Variants in AOPEP observed in about 807,000 individuals in gnomAD.
The protein encoded by AOPEP is aminopeptidase O.
Under a neutral mutation model 98.1 loss-of-function variants are expected in AOPEP, and 77 were observed. The ratio of observed to expected loss-of-function variants is 0.78; its 90% CI spans 0.65 to 0.95. The LOEUF (loss-of-function observed/expected upper bound fraction) is 0.95, where lower values mean the gene tolerates loss of function less well. Ranked by LOEUF, AOPEP falls within the 40% of genes least tolerant of loss-of-function variation. The pLI is 0.00. For missense variants in AOPEP, 1,024 were observed against 1,024.7 expected (o/e 1.00, Z 0.01); for synonymous variants, 346 against 365.3 (o/e 0.95, Z 0.60).
At chr9:94,826,292 C>T (rs764900875) in intron 5 of AOPEP, among the ~76,000 whole-genome samples, 4 of 152,194 alleles carry the variant, frequency 2.6e-5, no homozygotes, top group Non-Finnish European at 4.4e-5. Context: ...ATGGAAGAAA[C>T]ATGACCAACC....
At chr9:94,988,452 A>G (rs530088472) in intron 11 of AOPEP, among the ~76,000 whole-genome samples, 38 of 152,356 alleles carry the variant, frequency 2.5e-4, no homozygotes, top group Admixed American at 7.8e-4. Context: ...TCCTGTAAAA[A>G]GAATAAGAAT....
At chr9:94,878,578 G>A (rs1191421520) in intron 5 of AOPEP, among the ~76,000 whole-genome samples, 1 of 152,044 alleles carries the variant, frequency 6.6e-6, no homozygotes, top group Non-Finnish European at 1.5e-5. Context: ...GCGTTATTTA[G>A]TCATATCAGA....
intron 11 of AOPEP, among the ~76,000 whole-genome samples, chr9:94,987,858 A>C (rs749018776): frequency 2.0e-5 from 3 of 152,124 alleles, no homozygotes; most frequent in Non-Finnish European, 4.4e-5. Context: ...AGGGACTTGA[A>C]TGTGATGCTA....
chr9:95,053,149 T>A (rs1317251541), intron 13 of AOPEP, among the ~76,000 whole-genome samples: 1 of 152,174 alleles, frequency 6.6e-6, no homozygotes, highest in East Asian at 1.9e-4. Context: ...ATAAAGTAGA[T>A]CTCTCTTTTA....
intron 3 of AOPEP, among the ~76,000 whole-genome samples, chr9:94,781,759 A>G (rs1285890937): frequency 2.0e-5 from 3 of 150,952 alleles, no homozygotes; most frequent in Non-Finnish European, 4.4e-5. Context: ...ACGGGGTTTC[A>G]CCGTGTTAGC....
chr9:94,984,177 C>T (rs998021870), intron 11 of AOPEP, among the ~76,000 whole-genome samples: 7 of 151,514 alleles, frequency 4.6e-5, no homozygotes, highest in Non-Finnish European at 1.0e-4. Context: ...GGGATACAGG[C>T]GCCCGCCACC....
chr9:94,879,554 A>T (rs2047337913), intron 5 of AOPEP, among the ~76,000 whole-genome samples: 1 of 152,234 alleles, frequency 6.6e-6, no homozygotes, highest in Non-Finnish European at 1.5e-5. Context: ...TTCTCCAGGA[A>T]TACCCCATAA....
chr9:94,923,948 A>G, intron 5 of AOPEP, 38 bp from the exon 6 acceptor site: 1 of 1,342,002 alleles, frequency 7.5e-7, no homozygotes, highest in Non-Finnish European at 9.7e-7. Flanking sequence ...GACAGGCTCT[A>G]ACAAGACTCT....
chr9:94,742,491 T>C (rs1833368488), intron 1 of AOPEP, among the ~76,000 whole-genome samples: 2 of 151,998 alleles, frequency 1.3e-5, no homozygotes, highest in Admixed American at 6.6e-5. Flanking sequence ...ATGAGTGCAG[T>C]GGCGCGATCC....
chr9:94,884,037 C>T (rs2047898542), intron 5 of AOPEP, among the ~76,000 whole-genome samples: 1 of 152,204 alleles, frequency 6.6e-6, no homozygotes, highest in Non-Finnish European at 1.5e-5. Flanking sequence ...TGACATTTCA[C>T]GAGGGGCATC....
chr9:94,896,378 G>A (rs1257942755), intron 5 of AOPEP, among the ~76,000 whole-genome samples: 1 of 152,164 alleles, frequency 6.6e-6, no homozygotes, highest in Non-Finnish European at 1.5e-5. Flanking sequence ...CCCCTTCCGA[G>A]GAGATGGGAC....
the AOPEP span, among the ~76,000 whole-genome samples, chr9:95,147,146 G>A: frequency 6.6e-6 from 1 of 151,502 alleles, no homozygotes; most frequent in Non-Finnish European, 1.5e-5. Context: ...GTATTTTCTT[G>A]CATTTAAGAA....
chr9:95,006,256 G>A (rs1480000067), intron 13 of AOPEP: 1 of 343,086 alleles, frequency 2.9e-6, no homozygotes, highest in Non-Finnish European at 6.0e-6. Context: ...CGGAAAACTC[G>A]TAAAAGTGAA....
chr9:94,894,066 C>A (rs1464644763), intron 5 of AOPEP, among the ~76,000 whole-genome samples: 1 of 152,102 alleles, frequency 6.6e-6, no homozygotes, highest in Non-Finnish European at 1.5e-5. Context: ...CCCCAAAATG[C>A]AGAATATCTA....
At chr9:94,990,614 AATT>A (rs2060833967) in intron 11 of AOPEP, among the ~76,000 whole-genome samples, 2 of 59,860 alleles carry the variant, frequency 3.3e-5, no homozygotes, top group Non-Finnish European at 4.6e-5. Flanking sequence ...TATTTAATTT[AATT>A]AATTAATTAA....
At chr9:94,874,081 A>G (rs1280958264) in intron 5 of AOPEP, among the ~76,000 whole-genome samples, 2 of 152,166 alleles carry the variant, frequency 1.3e-5, no homozygotes, top group Admixed American at 1.3e-4. Context: ...ATATGGGTTC[A>G]CTTTAATATT....
the AOPEP span, among the ~76,000 whole-genome samples, chr9:95,104,635 G>C: frequency 2.0e-5 from 3 of 152,170 alleles, no homozygotes; most frequent in African/African-American, 7.2e-5. Flanking sequence ...CGAGTAGATG[G>C]AAACATGGCA....
chr9:94,810,562 A>C (rs1588333077), intron 5 of AOPEP, among the ~76,000 whole-genome samples: 1 of 151,604 alleles, frequency 6.6e-6, no homozygotes, highest in Non-Finnish European at 1.5e-5. Flanking sequence ...TGATCCACCC[A>C]CCTCAGCCCC....
chr9:94,941,483 A>G (rs928502920), intron 7 of AOPEP, among the ~76,000 whole-genome samples: 1 of 152,328 alleles, frequency 6.6e-6, no homozygotes, highest in East Asian at 1.9e-4. Context: ...TGCTATACCT[A>G]TGCCAGCATT....
Sources: allele counts gnomAD v4.1 joint callset (sites outside exome capture counted in the v4.1 genomes callset), GRCh38; gene constraint gnomAD v4.1.1; transcripts MANE v1.5; gene names NCBI Gene and HGNC (gene_info 2026-07-23, HGNC 2026-07-21).